The following CMSS1 variants were observed in gnomAD, a reference collection of about 807,000 sequenced individuals.
CMSS1 encodes cms1 ribosomal small subunit homolog.
A neutral mutation model predicts 43.5 loss-of-function variants in CMSS1; 33 were observed. That is an observed-to-expected ratio of 0.76 (90% CI 0.57 to 1.01). The LOEUF is 1.01. Among genes scored for constraint, CMSS1 ranks in the 50% least tolerant of loss-of-function variants. The pLI is 0.00. For synonymous variants in CMSS1, 115 were observed against 117.2 expected (o/e 0.98, Z 0.12); for missense variants, 313 against 326.4 (o/e 0.96, Z 0.32).
At chr3:99,945,878 G>A (rs1707992977) in intron 1 of CMSS1, among the ~76,000 whole-genome samples, 1 of 152,204 alleles carries the variant, frequency 6.6e-6, no homozygotes, top group South Asian at 2.1e-4. Flanking sequence ...TTGTCACAGA[G>A]CCAGTGGGAG....
At position 100,144,754 on chromosome 3, in the gene CMSS1, T is replaced by A. The variant is rs532461740; in HGVS notation, c.65-2219T>A. 4.9e-4 allele frequency among the ~76,000 whole-genome samples: 75 copies of A among 152,358 alleles called. 1 individual carries two copies. Among genetic ancestry groups the A allele is most frequent in the African/African-American group, 1.7e-3 (71 of 41,588 alleles). ...CATTTTGGTAAAGAGAGCAGACTTT[T>A]GTTGGGGCTTTTTTGGTTGGCTTCC... On this transcript the variant is annotated intron_variant, in intron 1 of 9. Transcript: ENST00000421999.
In CMSS1 at chr3:100,151,844, TC is replaced by T. The variant is rs1285860163; in HGVS notation, c.153+4785del. On this transcript the variant is annotated intron_variant, in intron 2 of 9. Transcript: ENST00000421999. ...ATCCCATTGCAGTGTGAGCTCAATA[TC>T]CAAAATCTTGTCATCTAAATCAGGT... is the stretch of plus-strand genomic sequence containing the variant. Among the ~76,000 whole-genome samples, 5 of 152,172 alleles carry T rather than the reference TC, an allele frequency of 3.3e-5. No homozygotes were observed. The East Asian group carries it at 9.6e-4, about 29-fold the overall frequency.
intron 1 of CMSS1, among the ~76,000 whole-genome samples, chr3:99,912,754 T>C (rs1374300347): frequency 2.6e-5 from 4 of 152,204 alleles, no homozygotes; most frequent in Admixed American, 1.3e-4. Flanking sequence ...CATGCCTCAG[T>C]TGATGGACAT....
At chr3:100,108,262 G>A (rs552216017) in intron 1 of CMSS1, among the ~76,000 whole-genome samples, 9 of 152,198 alleles carry the variant, frequency 5.9e-5, no homozygotes, top group African/African-American at 9.6e-5. Flanking sequence ...AACTGACCAC[G>A]TTGTCAAGAC....
intron 1 of CMSS1, among the ~76,000 whole-genome samples, chr3:99,853,514 G>A (rs1459025894): frequency 6.6e-6 from 1 of 152,218 alleles, no homozygotes; most frequent in Non-Finnish European, 1.5e-5. Context: ...TGAGTGCAGT[G>A]CAGTAACCTG....
At position 99,840,958 on chromosome 3, in the gene CMSS1, T is replaced by C. The variant is rs555926079; in HGVS notation, c.64+22915T>C. On this transcript the variant is annotated intron_variant, in intron 1 of 9. Coordinates refer to ENST00000421999, the MANE Select transcript of CMSS1 (RefSeq NM_032359.4). ...TAGAGATTGACAGTTTCCCACTTGA[T>C]TAAATGTTGTCTGATACTCTTGTTT... 1.1e-4 allele frequency among the ~76,000 whole-genome samples: 17 copies of C among 152,354 alleles called. No homozygotes were observed. The South Asian group carries it at 3.5e-3, about 32-fold the overall frequency.
intron 1 of CMSS1, among the ~76,000 whole-genome samples, chr3:99,880,075 G>T (rs116360596): frequency 2.6e-5 from 4 of 152,080 alleles, no homozygotes; most frequent in African/African-American, 7.2e-5. Flanking sequence ...TCTACTCTCC[G>T]ATCCCTTCTC....
chr3:99,935,739 C>T (rs1707644819), intron 1 of CMSS1, among the ~76,000 whole-genome samples: 1 of 152,218 alleles, frequency 6.6e-6, no homozygotes. Context: ...TCTATGGATA[C>T]AAATACAGTG....
intron 1 of CMSS1, among the ~76,000 whole-genome samples, chr3:99,998,145 C>T (rs527266082): frequency 6.6e-6 from 1 of 152,196 alleles, no homozygotes; most frequent in Non-Finnish European, 1.5e-5. Context: ...TTTCTAATCT[C>T]AGCAAGATCT....
At position 99,996,331 on chromosome 3, in the gene CMSS1, A is replaced by T. The variant is rs984958499; in HGVS notation, c.65-150642A>T. On this transcript the variant is annotated intron_variant, in intron 1 of 9. Transcript: ENST00000421999. ...AACAAGTTCCTCATTTCCATCTGAGACCACCTCAGCCTGGACCTTATTGTC... is the reference window on the plus strand; with the variant it reads ...AACAAGTTCCTCATTTCCATCTGAGTCCACCTCAGCCTGGACCTTATTGTC... 2.0e-5 allele frequency among the ~76,000 whole-genome samples: 3 copies of T among 152,258 alleles called. No individual in the cohort carries two copies. The South Asian group carries it at 6.2e-4, about 32-fold the overall frequency.
At chr3:100,162,992 A>G (rs1349381283) in intron 4 of CMSS1, among the ~76,000 whole-genome samples, 1 of 152,204 alleles carries the variant, frequency 6.6e-6, no homozygotes, top group Non-Finnish European at 1.5e-5. Context: ...AAAAAGAAAC[A>G]TAATACTTCT....
chr3:99,987,914 C>T (rs1156829230), intron 1 of CMSS1, among the ~76,000 whole-genome samples: 1 of 152,210 alleles, frequency 6.6e-6, no homozygotes, highest in East Asian at 1.9e-4. Context: ...GCCAGTCTCT[C>T]ATCCTGTTGG....
At chr3:99,879,974 G>A (rs547761198) in intron 1 of CMSS1, among the ~76,000 whole-genome samples, 1 of 152,054 alleles carries the variant, frequency 6.6e-6, no homozygotes, top group African/African-American at 2.4e-5. Context: ...TGCACCCCAC[G>A]CTACCTTCTA....
intron 1 of CMSS1, among the ~76,000 whole-genome samples, chr3:99,905,742 A>G (rs1706595403): frequency 6.6e-6 from 1 of 152,142 alleles, no homozygotes; most frequent in African/African-American, 2.4e-5. Context: ...TTTGATGTCT[A>G]TTACTGTAGA....
Position 100,140,462 on chromosome 3 carries a change from G to T in CMSS1, c.65-6511G>T, listed in dbSNP as rs539823074. On this transcript the variant is annotated intron_variant, in intron 1 of 9. Coordinates refer to ENST00000421999, the MANE Select transcript of CMSS1 (RefSeq NM_032359.4). ...ATGCATTATATAGCTTCTTAGGCCT[G>T]GCTTCTTTTGCTTGGCATCATGCTG... Among the ~76,000 whole-genome samples, 18 of 151,704 alleles carry T rather than the reference G, an allele frequency of 1.2e-4. No homozygotes were observed. In the East Asian group the frequency reaches 3.5e-3, roughly 29 times the overall value.
At chr3:99,901,573 A>G (rs1706437575) in intron 1 of CMSS1, among the ~76,000 whole-genome samples, 1 of 152,226 alleles carries the variant, frequency 6.6e-6, no homozygotes, top group African/African-American at 2.4e-5. Context: ...ATCAAGGCCT[A>G]TGATTTGTGC....
chr3:100,083,249 G>T (rs944317550), intron 1 of CMSS1, among the ~76,000 whole-genome samples: 8 of 152,180 alleles, frequency 5.3e-5, no homozygotes, highest in Non-Finnish European at 7.3e-5. Context: ...ACTTTATCTT[G>T]GGCTTGCTTG....
intron 1 of CMSS1, among the ~76,000 whole-genome samples, chr3:99,982,937 A>AATAC (rs529442008): frequency 1.0e-3 from 152 of 152,306 alleles, no homozygotes; most frequent in Non-Finnish European, 1.9e-3. Context: ...ACATCAAAGT[A>AATAC]ATACATACAG....
At chr3:99,871,423 G>A (rs1425355306) in intron 1 of CMSS1, among the ~76,000 whole-genome samples, 1 of 152,138 alleles carries the variant, frequency 6.6e-6, no homozygotes, top group Non-Finnish European at 1.5e-5. Context: ...ACTTTCCTAG[G>A]CACTGGAGGT....
Sources: allele counts gnomAD v4.1 joint callset (sites outside exome capture counted in the v4.1 genomes callset), GRCh38; gene constraint gnomAD v4.1.1; transcripts MANE v1.5; gene names NCBI Gene and HGNC (gene_info 2026-07-23, HGNC 2026-07-21).